The following CNTN5 variants were observed in gnomAD, a reference collection of about 807,000 sequenced individuals.
The protein encoded by CNTN5 is contactin-5.
In CNTN5, 77 loss-of-function variants were observed where a neutral mutation model predicts 129.1. The ratio of observed to expected loss-of-function variants is 0.60; its 90% CI spans 0.50 to 0.72. CNTN5 has a LOEUF of 0.72. Among genes scored for constraint, CNTN5 ranks in the 30% least tolerant of loss-of-function variants. The pLI, the probability that CNTN5 is intolerant of heterozygous loss-of-function variation, is 0.00. For synonymous variants in CNTN5, 509 were observed against 465.6 expected (o/e 1.09, Z -1.20); for missense variants, 1,478 against 1,328.8 (o/e 1.11, Z -1.75).
At chr11:99,891,145 T>C (rs1949047861) in intron 6 of CNTN5, among the ~76,000 whole-genome samples, 1 of 152,154 alleles carries the variant, frequency 6.6e-6, no homozygotes, top group Non-Finnish European at 1.5e-5. Flanking sequence ...TTGTATACTT[T>C]AGTTAATAAC....
Position 100,312,261 on chromosome 11 carries a change from A to G in CNTN5, c.2730+3793A>G, listed in dbSNP as rs906648654. Among the ~76,000 whole-genome samples, 64 of 152,210 alleles carry G rather than the reference A, an allele frequency of 4.2e-4. 1 individual carries two copies. The highest frequency in any genetic ancestry group is 1.5e-3 in the African/African-American group (63 of 41,536). ...ATTTTAAGTATATTCAGTGAAGACT[A>G]TTTTTGATTTATACTGTTTCATAAC... On this transcript the variant is annotated intron_variant, in intron 21 of 24. Transcript: ENST00000524871.
chr11:99,936,594 G>T (rs981073133), intron 7 of CNTN5, among the ~76,000 whole-genome samples: 1 of 152,236 alleles, frequency 6.6e-6, no homozygotes, highest in Non-Finnish European at 1.5e-5. Context: ...ATATCAAATA[G>T]TATAGGCTTA....
At chr11:99,670,945 G>A (rs915414612) in intron 3 of CNTN5, among the ~76,000 whole-genome samples, 12 of 152,098 alleles carry the variant, frequency 7.9e-5, no homozygotes, top group Admixed American at 1.3e-4. Context: ...TGTAATTATC[G>A]ATACTGTTGT....
intron 2 of CNTN5, among the ~76,000 whole-genome samples, chr11:99,508,792 C>CT (rs1315764022): frequency 6.6e-6 from 1 of 151,958 alleles, no homozygotes; most frequent in Non-Finnish European, 1.5e-5. Flanking sequence ...AGCGATTCTC[C>CT]TGCCTCAGCC....
intron 1 of CNTN5, among the ~76,000 whole-genome samples, chr11:99,285,119 C>G (rs901879063): frequency 6.6e-6 from 1 of 152,084 alleles, no homozygotes; most frequent in Non-Finnish European, 1.5e-5. Flanking sequence ...CCTGTCACCC[C>G]TAGCCTTCCA....
chr11:99,499,652 C>T (rs112412133), intron 2 of CNTN5, among the ~76,000 whole-genome samples: 3,973 of 152,210 alleles, frequency 0.026, 69 homozygotes, highest in Middle Eastern at 0.065. Flanking sequence ...AAATTCTACA[C>T]GAGTTGTTGA....
chr11:99,335,397 G>A (rs1034790104), intron 2 of CNTN5, among the ~76,000 whole-genome samples: 2 of 151,884 alleles, frequency 1.3e-5, no homozygotes, highest in Admixed American at 1.3e-4. Flanking sequence ...AAAAATTCTA[G>A]ACATTTTTTA....
At chr11:99,415,832 G>A (rs1169193181) in intron 2 of CNTN5, among the ~76,000 whole-genome samples, 1 of 152,138 alleles carries the variant, frequency 6.6e-6, no homozygotes, top group Non-Finnish European at 1.5e-5. Context: ...ACTTTAGAAT[G>A]GTAGAGGGGG....
intron 2 of CNTN5, among the ~76,000 whole-genome samples, chr11:99,453,475 A>G (rs1339795409): frequency 6.6e-6 from 1 of 152,322 alleles, no homozygotes; most frequent in East Asian, 1.9e-4. Context: ...TGAATCATCA[A>G]TACAAGATTT....
chr11:100,098,808 A>G (rs1320008770), intron 13 of CNTN5, among the ~76,000 whole-genome samples: 2 of 151,990 alleles, frequency 1.3e-5, no homozygotes, highest in Admixed American at 6.6e-5. Context: ...CCCTCATCAC[A>G]TCTGTCACAT....
intron 1 of CNTN5, among the ~76,000 whole-genome samples, chr11:99,022,044 C>G (rs1003692965): frequency 3.9e-5 from 6 of 152,130 alleles, no homozygotes; most frequent in Admixed American, 2.0e-4. Flanking sequence ...TAGAACTGTT[C>G]TCCCAAGAAA....
At chr11:99,211,842 A>G (rs1859809726) in intron 1 of CNTN5, among the ~76,000 whole-genome samples, 1 of 152,124 alleles carries the variant, frequency 6.6e-6, no homozygotes, top group Non-Finnish European at 1.5e-5. Context: ...CCTTTTTAAA[A>G]AAGTTATCTT....
At chr11:99,167,004 G>A (rs951076545) in intron 1 of CNTN5, among the ~76,000 whole-genome samples, 1 of 152,042 alleles carries the variant, frequency 6.6e-6, no homozygotes, top group Non-Finnish European at 1.5e-5. Flanking sequence ...TGCTTGAAAA[G>A]CTTTGCTACT....
intron 3 of CNTN5, among the ~76,000 whole-genome samples, chr11:99,673,490 T>TA (rs2135952766): frequency 6.6e-6 from 1 of 152,264 alleles, no homozygotes. Context: ...GAAGGTTTGT[T>TA]ACATAGGTAA....
intron 13 of CNTN5, among the ~76,000 whole-genome samples, chr11:100,160,056 G>T (rs1456537593): frequency 6.6e-6 from 1 of 151,844 alleles, no homozygotes; most frequent in African/African-American, 2.4e-5. Context: ...TTCTCCTAAT[G>T]CTATTCCCTC....
intron 21 of CNTN5, among the ~76,000 whole-genome samples, chr11:100,317,999 T>G (rs1433078680): frequency 6.6e-6 from 1 of 152,076 alleles, no homozygotes; most frequent in African/African-American, 2.4e-5. Context: ...CCCAACACTT[T>G]GGGAGGCCCA....
At chr11:100,224,666 A>G (rs764341163) in intron 15 of CNTN5, 26 bp from the exon 16 acceptor site, 1 of 1,600,432 alleles carries the variant, frequency 6.2e-7, no homozygotes, top group Non-Finnish European at 8.5e-7. Flanking sequence ...GCAACATTTT[A>G]AACTGGCACT....
intron 3 of CNTN5, among the ~76,000 whole-genome samples, chr11:99,704,757 G>C (rs1213681483): frequency 6.6e-6 from 1 of 151,054 alleles, no homozygotes; most frequent in Non-Finnish European, 1.5e-5. Context: ...TTTTGAAGAT[G>C]AAATACATCT....
At chr11:99,698,163 A>C (rs954012629) in intron 3 of CNTN5, among the ~76,000 whole-genome samples, 1 of 151,314 alleles carries the variant, frequency 6.6e-6, no homozygotes, top group Non-Finnish European at 1.5e-5. Flanking sequence ...GAGTTTTCCA[A>C]AGTATTTTAC....
Sources: allele counts gnomAD v4.1 joint callset (sites outside exome capture counted in the v4.1 genomes callset), GRCh38; gene constraint gnomAD v4.1.1; transcripts MANE v1.5; gene names NCBI Gene and HGNC (gene_info 2026-07-23, HGNC 2026-07-21).